The following PINX1 variants were observed in gnomAD, a reference collection of about 807,000 sequenced individuals.
PINX1 encodes PIN2 (TERF1) interacting telomerase inhibitor 1.
PINX1 carries 34 observed loss-of-function variants against 25.4 expected under a neutral mutation model. That is an observed-to-expected ratio of 1.34 (90% CI 1.02 to 1.78). The LOEUF (loss-of-function observed/expected upper bound fraction) is 1.78, where lower values mean the gene tolerates loss of function less well. Ranked by LOEUF, PINX1 falls within the 40% of genes most tolerant of loss-of-function variation. The pLI is 0.00. For missense variants in PINX1, 592 were observed against 404.9 expected (o/e 1.46, Z -3.97); for synonymous variants, 197 against 147.7 (o/e 1.33, Z -2.42).
chr8:10,790,594 C>G (rs954994383), intron 6 of PINX1, among the ~76,000 whole-genome samples: 4 of 152,154 alleles, frequency 2.6e-5, no homozygotes, highest in African/African-American at 9.7e-5. Context: ...GCCTCGACCT[C>G]CCAACATGAC....
At chr8:10,770,982 C>A (rs1200866627) in intron 6 of PINX1, among the ~76,000 whole-genome samples, 1 of 152,182 alleles carries the variant, frequency 6.6e-6, no homozygotes, top group African/African-American at 2.4e-5. Context: ...TATTTAGCAA[C>A]TGGGGTTGTG....
chr8:10,787,940 TAAA>T, intron 6 of PINX1: 1 of 380,846 alleles, frequency 2.6e-6, no homozygotes, highest in Admixed American at 3.4e-5. Flanking sequence ...ATATTCAAAG[TAAA>T]AAGTTATTAG....
At chr8:10,806,906 C>A (rs1411550253) in intron 6 of PINX1, among the ~76,000 whole-genome samples, 2 of 152,164 alleles carry the variant, frequency 1.3e-5, no homozygotes, top group Admixed American at 6.5e-5. Context: ...GACAGAAAGA[C>A]CCGCCAACTC....
chr8:10,786,470 T>C (rs1801750410), intron 6 of PINX1, among the ~76,000 whole-genome samples: 1 of 152,144 alleles, frequency 6.6e-6, no homozygotes, highest in African/African-American at 2.4e-5. Context: ...AGCAGAACTA[T>C]AACCCTGAGA....
chr8:10,778,339 C>T lies in PINX1; in HGVS notation c.472-12423G>A, dbSNP rs1801477145. Among the ~76,000 whole-genome samples the T allele has an allele frequency of 6.6e-5, 10 of 151,948 alleles. No homozygotes were observed. In the South Asian group the frequency reaches 2.1e-3, roughly 32 times the overall value. On this transcript the variant is annotated intron_variant, in intron 6 of 6. Transcript: ENST00000314787. ...ATATAAATATGCTAAATTGATATTC[C>T]AGGTTGAACATCCCTCTCGTTTTTG...
chr8:10,826,064 T>A, intron 5 of PINX1, 88 bp downstream of exon 5: 1 of 675,078 alleles, frequency 1.5e-6, no homozygotes, highest in South Asian at 1.9e-5. Flanking sequence ...AAGCATGAAG[T>A]CGCTATTGGC....
At chr8:10,789,938 G>C (rs927101636) in intron 6 of PINX1, among the ~76,000 whole-genome samples, 3 of 152,120 alleles carry the variant, frequency 2.0e-5, no homozygotes, top group African/African-American at 7.2e-5. Flanking sequence ...AAAAATATTT[G>C]AAATTAAAAA....
At chr8:10,827,548 T>C (rs527554098) in intron 4 of PINX1, among the ~76,000 whole-genome samples, 6 of 152,064 alleles carry the variant, frequency 3.9e-5, no homozygotes, top group South Asian at 2.1e-4. Context: ...GAAACGATCA[T>C]AGGCAGAAGA....
intron 6 of PINX1, among the ~76,000 whole-genome samples, chr8:10,772,879 T>C (rs2129071523): frequency 6.6e-6 from 1 of 152,094 alleles, no homozygotes; most frequent in Non-Finnish European, 1.5e-5. Context: ...GAGGGTTCTC[T>C]CTAGAACAGA....
intron 6 of PINX1, among the ~76,000 whole-genome samples, chr8:10,799,116 TA>T (rs1413064152): frequency 3.4e-5 from 5 of 147,408 alleles, no homozygotes; most frequent in African/African-American, 1.2e-4. Flanking sequence ...ACACAGTATT[TA>T]AAAAAAGGTT....
chr8:10,816,708 C>G (rs1328224306), intron 6 of PINX1, among the ~76,000 whole-genome samples: 1 of 152,226 alleles, frequency 6.6e-6, no homozygotes, highest in Non-Finnish European at 1.5e-5. Flanking sequence ...TGAAGCTCAA[C>G]AGAAGCTGCT....
chr8:10,798,781 A>C (rs2898246), intron 6 of PINX1, among the ~76,000 whole-genome samples: 11,268 of 152,222 alleles, frequency 0.074, 566 homozygotes, highest in African/African-American at 0.13. Context: ...ATACCATATT[A>C]CCTGGGAGCT....
chr8:10,788,530 ACT>A lies in PINX1; in HGVS notation c.472-22616_472-22615del, dbSNP rs1801823331. Among the ~76,000 whole-genome samples, 3 of 151,946 alleles carry A rather than the reference ACT, an allele frequency of 2.0e-5. 1 individual carries two copies. The South Asian group carries it at 6.2e-4, about 32-fold the overall frequency. ...CAGTGAGCCAAGATCGTGCCACTGC[ACT>A]CTACCTTGGAAGACAGAGCAAGACA... On this transcript the variant is annotated intron_variant, in intron 6 of 6. Coordinates refer to ENST00000314787, the MANE Select transcript of PINX1 (RefSeq NM_017884.6).
intron 6 of PINX1, among the ~76,000 whole-genome samples, chr8:10,782,445 G>T (rs1427336458): frequency 6.7e-6 from 1 of 149,138 alleles, no homozygotes; most frequent in Non-Finnish European, 1.5e-5. Context: ...TTTTTTTTAA[G>T]TACTCAGAGG....
chr8:10,801,245 G>T (rs896375835), intron 6 of PINX1, among the ~76,000 whole-genome samples: 1 of 152,196 alleles, frequency 6.6e-6, no homozygotes, highest in Admixed American at 6.5e-5. Flanking sequence ...TCCAATGATG[G>T]CTTACGAAAG....
In PINX1 at chr8:10,829,304, A is replaced by G. The variant is rs995270714; in HGVS notation, c.301+2361T>C. On this transcript the variant is annotated intron_variant, in intron 4 of 6. Transcript: ENST00000314787. ...CCATCTCAAAAAAAAAAAAAAAAAA[A>G]AGAGAGAGAGAAAATAAAACCCTAG... Among the ~76,000 whole-genome samples, 168 of 146,816 alleles carry G rather than the reference A, an allele frequency of 1.1e-3. 1 individual carries two copies. Among genetic ancestry groups the G allele is most frequent in the Admixed American group, 0.01 (151 of 14,664 alleles).
intron 6 of PINX1, among the ~76,000 whole-genome samples, chr8:10,794,875 G>T (rs1448095889): frequency 1.3e-5 from 2 of 152,068 alleles, no homozygotes; most frequent in Non-Finnish European, 1.5e-5. Context: ...TTCCTCCCAG[G>T]AACAGAAAGA....
intron 1 of PINX1, among the ~76,000 whole-genome samples, chr8:10,837,731 A>G (rs1798446313): frequency 6.6e-6 from 1 of 152,216 alleles, no homozygotes; most frequent in Non-Finnish European, 1.5e-5. Context: ...GCTCAATACC[A>G]CATGACTTAT....
At chr8:10,800,678 C>T (rs1469813163) in intron 6 of PINX1, among the ~76,000 whole-genome samples, 1 of 152,120 alleles carries the variant, frequency 6.6e-6, no homozygotes, top group African/African-American at 2.4e-5. Context: ...CCACATTGGC[C>T]AGGCTGGTCT....
Sources: allele counts gnomAD v4.1 joint callset (sites outside exome capture counted in the v4.1 genomes callset), GRCh38; gene constraint gnomAD v4.1.1; transcripts MANE v1.5; gene names NCBI Gene and HGNC (gene_info 2026-07-23, HGNC 2026-07-21).